PAN3: variants seen among roughly 807,000 people sequenced by gnomAD.
PAN3 encodes the protein poly(A) specific ribonuclease subunit PAN3.
PAN3 carries 19 observed loss-of-function variants against 96.2 expected under a neutral mutation model. The observed-to-expected ratio is 0.20, with a 90% CI of 0.14 to 0.29. The LOEUF is 0.29. PAN3 is among the 10% of genes least tolerant of loss of function. The pLI, the probability that PAN3 is intolerant of heterozygous loss-of-function variation, is 1.00. For missense variants in PAN3, 882 were observed against 1,108.1 expected (o/e 0.80, Z 2.90); for synonymous variants, 433 against 406.6 (o/e 1.06, Z -0.78).
intron 9 of PAN3, among the ~76,000 whole-genome samples, chr13:28,265,476 G>A (rs1387411997): frequency 6.6e-6 from 1 of 152,190 alleles, no homozygotes; most frequent in African/African-American, 2.4e-5. Flanking sequence ...GAATCAAAAA[G>A]TCCTGGGTTT....
chr13:28,151,107 A>G (rs1414915540), intron 1 of PAN3, among the ~76,000 whole-genome samples: 3 of 152,204 alleles, frequency 2.0e-5, no homozygotes, highest in Non-Finnish European at 4.4e-5. Context: ...GAGAAAGAGT[A>G]TCTCAGGCAG....
intron 4 of PAN3, among the ~76,000 whole-genome samples, chr13:28,194,508 TCA>T (rs1877767769): frequency 6.9e-6 from 1 of 144,960 alleles, no homozygotes; most frequent in Non-Finnish European, 1.5e-5. Context: ...TCTTGCTTTG[TCA>T]CCCAGGCTGG....
intron 1 of PAN3, among the ~76,000 whole-genome samples, chr13:28,153,430 G>C (rs981793809): frequency 4.0e-5 from 6 of 151,788 alleles, no homozygotes; most frequent in African/African-American, 1.5e-4. Context: ...GTAGAGATGG[G>C]ATTTCACCAT....
intron 1 of PAN3, among the ~76,000 whole-genome samples, chr13:28,170,039 T>G (rs969342630): frequency 6.6e-6 from 1 of 151,996 alleles, no homozygotes; most frequent in Non-Finnish European, 1.5e-5. Flanking sequence ...AGAGCAAAAC[T>G]CCATCTCAAA....
intron 1 of PAN3, among the ~76,000 whole-genome samples, chr13:28,152,645 C>T (rs921176906): frequency 6.6e-5 from 10 of 151,962 alleles, no homozygotes; most frequent in East Asian, 3.9e-4. Context: ...TTTTGTGAGA[C>T]GAACATTCAG....
intron 1 of PAN3, among the ~76,000 whole-genome samples, chr13:28,142,263 T>G (rs899458254): frequency 2.0e-5 from 3 of 152,222 alleles, no homozygotes; most frequent in Non-Finnish European, 4.4e-5. Flanking sequence ...TTACACTTAT[T>G]GTTCATTTTT....
chr13:28,194,343 T>A (rs1451339615), intron 4 of PAN3, among the ~76,000 whole-genome samples: 3 of 151,348 alleles, frequency 2.0e-5, no homozygotes, highest in African/African-American at 7.3e-5. Flanking sequence ...TATGTTGAAC[T>A]TTCCTGATAG....
At chr13:28,258,345 T>C (rs1246081673) in intron 7 of PAN3, among the ~76,000 whole-genome samples, 2 of 152,116 alleles carry the variant, frequency 1.3e-5, no homozygotes, top group East Asian at 3.9e-4. Flanking sequence ...AGAAAAGATA[T>C]TTAAAACTGA....
intron 5 of PAN3, chr13:28,215,761 A>G: frequency 6.8e-7 from 1 of 1,468,964 alleles, no homozygotes; most frequent in African/African-American, 1.4e-5. Context: ...TTCTCAGACC[A>G]TCCTCTTCTG....
intron 1 of PAN3, among the ~76,000 whole-genome samples, chr13:28,168,046 A>G (rs546447040): frequency 9.2e-5 from 14 of 152,248 alleles, no homozygotes; most frequent in African/African-American, 3.4e-4. Flanking sequence ...TGTCCTTGTG[A>G]CTTAATCACC....
chr13:28,179,633 G>A (rs185826192), intron 4 of PAN3, among the ~76,000 whole-genome samples: 8 of 151,964 alleles, frequency 5.3e-5, no homozygotes, highest in South Asian at 2.1e-4. Flanking sequence ...GAGCCTGGGC[G>A]GTTGAGGCTG....
intron 6 of PAN3, among the ~76,000 whole-genome samples, chr13:28,233,864 C>G (rs1311909582): frequency 6.6e-6 from 1 of 152,090 alleles, no homozygotes; most frequent in Non-Finnish European, 1.5e-5. Context: ...ATCAGAAATT[C>G]TGTTTTATTG....
chr13:28,200,632 A>C (rs545112369), intron 5 of PAN3, among the ~76,000 whole-genome samples: 1 of 152,234 alleles, frequency 6.6e-6, no homozygotes, highest in African/African-American at 2.4e-5. Context: ...CTGTCTGCCA[A>C]ACATGGCATT....
chr13:28,160,636 A>G lies in PAN3; in HGVS notation c.431-13636A>G, dbSNP rs114746693. Among the ~76,000 whole-genome samples, 1,311 of 152,320 alleles carry G rather than the reference A, an allele frequency of 8.6e-3. 14 individuals are homozygous for G. Among genetic ancestry groups the G allele is most frequent in the African/African-American group, 0.029 (1,223 of 41,566 alleles). On this transcript the variant is annotated intron_variant, in intron 1 of 18. Coordinates refer to ENST00000380958, the MANE Select transcript of PAN3 (RefSeq NM_175854.8). ...ACTCACTAAAATGAGAAATAACCATATATATCTTAAAGAACTGTTGGGATT... is the reference window on the plus strand; with the variant it reads ...ACTCACTAAAATGAGAAATAACCATGTATATCTTAAAGAACTGTTGGGATT...
At position 28,138,933 on chromosome 13, in the gene PAN3, T is replaced by C; in HGVS notation, c.276T>C (p.Gly92=). Residue 92 remains glycine (G), a synonymous_variant, in exon 1 of 19, where the codon GGT becomes GGC. Transcript: ENST00000380958. The stretch of plus-strand genomic sequence containing the variant: ...ACAGCGTCCCCCTGGCTCTGGCTGG[T>C]GCACCCGTGGCCGGCTTTCCGCCGG... ...HSNSVPLALA[G]APVAGFPPGA... 7.4e-7 allele frequency: 1 copy of C among 1,347,440 alleles called. No individual in the cohort carries two copies. Among genetic ancestry groups the C allele is most frequent in the Non-Finnish European group, 9.5e-7 (1 of 1,051,816 alleles). 83.5% of individuals were successfully genotyped at this position (1,347,440 alleles called of 1,614,324 possible). A position where few individuals can be genotyped will look rare whatever the true frequency, so the allele number is the denominator to read the frequency against.
At chr13:28,139,955 TG>T (rs892145966) in intron 1 of PAN3, among the ~76,000 whole-genome samples, 7 of 151,146 alleles carry the variant, frequency 4.6e-5, no homozygotes, top group Non-Finnish European at 5.9e-5. Flanking sequence ...TTGTTGTTGT[TG>T]TTGTTGTTTT....
At chr13:28,243,276 T>G (rs567052062) in intron 6 of PAN3, among the ~76,000 whole-genome samples, 38 of 152,354 alleles carry the variant, frequency 2.5e-4, no homozygotes, top group African/African-American at 8.9e-4. Flanking sequence ...TTGATTTGGA[T>G]ACCCTTTTTA....
intron 5 of PAN3, among the ~76,000 whole-genome samples, chr13:28,205,321 G>T (rs575409438): frequency 6.6e-6 from 1 of 152,216 alleles, no homozygotes; most frequent in East Asian, 1.9e-4. Flanking sequence ...TGCAGCTGCA[G>T]TGGCCTTTCT....
intron 5 of PAN3, among the ~76,000 whole-genome samples, chr13:28,198,941 T>C (rs996349152): frequency 1.3e-5 from 2 of 152,166 alleles, no homozygotes; most frequent in Non-Finnish European, 2.9e-5. Context: ...TATTGCAAAA[T>C]GTAGTATTTG....
Sources: gnomAD v4.1 joint callset for allele counts (sites outside exome capture counted in the v4.1 genomes callset) on GRCh38, gnomAD v4.1.1 for gene constraint, MANE v1.5 for transcripts, NCBI Gene and HGNC (gene_info 2026-07-23, HGNC 2026-07-21) for gene names.